FANCB: variants seen among roughly 807,000 people sequenced by gnomAD.
The protein encoded by FANCB is FA complementation group B.
Under a neutral mutation model 38.9 loss-of-function variants are expected in FANCB, and 5 were observed. That is an observed-to-expected ratio of 0.13 (90% confidence interval 0.07 to 0.27). FANCB has a LOEUF of 0.27. FANCB is among the 10% of genes least tolerant of loss of function. The pLI, the probability that FANCB is intolerant of heterozygous loss-of-function variation, is 1.00. For missense variants in FANCB, 573 were observed against 602.7 expected, an observed-to-expected ratio of 0.95 and a Z score of 0.52; for synonymous variants, 236 against 215.4, an observed-to-expected ratio of 1.10 and a Z score of -0.84.
downstream of FANCB, among the ~76,000 whole-genome samples, chrX:14,841,807 T>TAG (rs896141084): frequency 9.0e-6 from 1 of 111,593 alleles, no homozygotes; most frequent in African/African-American, 3.3e-5. Context: ...TTCTAGTTTG[T>TAG]AGTAAGTTAA....
the FANCB span, among the ~76,000 whole-genome samples, chrX:14,812,595 C>T: frequency 3.0e-4 from 33 of 110,547 alleles, no homozygotes; most frequent in African/African-American, 7.3e-4. Flanking sequence ...GACACATAGA[C>T]CCTCCCAAGA....
the FANCB span, among the ~76,000 whole-genome samples, chrX:14,751,026 A>C: frequency 8.9e-6 from 1 of 111,770 alleles, no homozygotes; most frequent in Non-Finnish European, 1.9e-5. Flanking sequence ...CTCAATAAGA[A>C]GATTACTGTA....
the FANCB span, among the ~76,000 whole-genome samples, chrX:14,766,191 G>A: frequency 8.9e-6 from 1 of 111,993 alleles, no homozygotes; most frequent in Non-Finnish European, 1.9e-5. Flanking sequence ...AAAACAGATT[G>A]CTGTAATTCT....
chrX:14,787,746 T>C, the FANCB span, among the ~76,000 whole-genome samples: 1 of 105,919 alleles, frequency 9.4e-6, no homozygotes, highest in East Asian at 2.9e-4. Context: ...GTTAGTTTTT[T>C]ATGAACCTAG....
chrX:14,872,635 G>GCC (rs199639756), intron 1 of FANCB, among the ~76,000 whole-genome samples: 130 of 72,584 alleles, frequency 1.8e-3, no homozygotes, highest in East Asian at 9.1e-3. Context: ...TGGTAAAACC[G>GCC]CCCCCCCCAC....
At chrX:14,800,561 C>T in the FANCB span, among the ~76,000 whole-genome samples, 2 of 111,758 alleles carry the variant, frequency 1.8e-5, no homozygotes, top group Non-Finnish European at 3.8e-5. Flanking sequence ...TTTTAAACCA[C>T]GCAGTTTGTG....
intron 3 of FANCB, among the ~76,000 whole-genome samples, chrX:14,861,646 C>G (rs2092447216): frequency 9.0e-6 from 1 of 111,378 alleles, no homozygotes. Flanking sequence ...CTTCTCAGAA[C>G]TTAATGTTAG....
chrX:14,790,748 G>A, the FANCB span, among the ~76,000 whole-genome samples: 1 of 111,319 alleles, frequency 9.0e-6, no homozygotes, highest in Non-Finnish European at 1.9e-5. Flanking sequence ...CAAAAGCAGA[G>A]TCTGAAACAA....
At position 14,865,494 on chromosome X, in the gene FANCB, G is replaced by T. The variant is rs780032769; in HGVS notation, c.17C>A (p.Ala6Glu). MTSKQ[A>E]MSSNEQERLL... ...CCTTTCTTGTTCGTTAGATGACATT[G>T]CTTGTTTGCTAGTCATTCCACAATA... Residue 6 changes from alanine to glutamate, a missense_variant, in exon 3 of 10, where the codon GCA becomes GAA. By Grantham distance (107) the Ala-to-Glu change is moderately radical. Transcript: ENST00000650831. 2 of 1,193,004 alleles carry T rather than the reference G, an allele frequency of 1.7e-6. No homozygotes were observed. The highest frequency in any genetic ancestry group is 2.3e-6 in the Non-Finnish European group (2 of 881,899).
the FANCB span, among the ~76,000 whole-genome samples, chrX:14,800,901 C>T: frequency 1.8e-5 from 2 of 111,647 alleles, no homozygotes; most frequent in African/African-American, 6.5e-5. Flanking sequence ...ATGAAATAAG[C>T]AACAGTGTTC....
the FANCB span, among the ~76,000 whole-genome samples, chrX:14,800,441 C>A: frequency 4.5e-5 from 5 of 111,396 alleles, no homozygotes; most frequent in East Asian, 8.5e-4. Context: ...TAGGAAGACA[C>A]AAGAAAAAAT....
In FANCB at chrX:14,864,916, C is replaced by T. The variant is rs749426439; in HGVS notation, c.595G>A (p.Glu199Lys). The T allele has an allele frequency of 8.3e-7, 1 of 1,207,259 alleles. No individual in the cohort carries two copies. The highest frequency in any genetic ancestry group is 1.8e-5 in the South Asian group (1 of 56,771). Reference sequence around the variant, plus strand: ...ATTGCATAATCTGATTTTGAAGGCTCTTGAGTACATTCTTCCTCAGATAAA... The same window carrying T: ...ATTGCATAATCTGATTTTGAAGGCTTTTGAGTACATTCTTCCTCAGATAAA... ...CCLSEEECTQ[E>K]PSKSDYAIWN... Residue 199 changes from glutamate (E) to lysine (K), a missense_variant, in exon 3 of 10, where the codon GAG (glutamate) becomes AAG (lysine). Coordinates refer to ENST00000650831, the MANE Select transcript of FANCB (RefSeq NM_001018113.3).
chrX:14,705,095 A>AATGAAACAGAGATT, the FANCB span, among the ~76,000 whole-genome samples: 26 of 112,288 alleles, frequency 2.3e-4, no homozygotes, highest in Non-Finnish European at 1.3e-4. Flanking sequence ...ATTGTCAGTA[A>AATGAAACAGAGATT]ATGAAACAGA....
At chrX:14,829,781 A>C in the FANCB span, among the ~76,000 whole-genome samples, 1 of 112,407 alleles carries the variant, frequency 8.9e-6, no homozygotes, top group Non-Finnish European at 1.9e-5. Context: ...GTAATAGAAG[A>C]ATGTTGATCT....
chrX:14,794,880 A>C, the FANCB span, among the ~76,000 whole-genome samples: 1 of 112,302 alleles, frequency 8.9e-6, no homozygotes, highest in Non-Finnish European at 1.9e-5. Context: ...AAAAGGTGCG[A>C]CTGAGAAGGA....
Position 14,862,701 on chromosome X carries a change from T to TCAAG in FANCB, c.951+1855_951+1858dup, listed in dbSNP as rs764087884. The stretch of plus-strand genomic sequence containing the variant: ...CTACTAACTGAGTTCCTCCTATGTG[T>TCAAG]CAAGCTCTGTGCAAGACACTTTACA... On this transcript the variant is annotated intron_variant, in intron 3 of 9. Coordinates refer to ENST00000650831, the MANE Select transcript of FANCB (RefSeq NM_001018113.3). Among the ~76,000 whole-genome samples, 564 of 112,217 alleles carry TCAAG rather than the reference T, an allele frequency of 5.0e-3. 6 individuals carry two copies. Among genetic ancestry groups the TCAAG allele is most frequent in the African/African-American group, 0.017 (529 of 30,897 alleles).
chrX:14,723,596 G>C, the FANCB span, among the ~76,000 whole-genome samples: 1 of 111,663 alleles, frequency 9.0e-6, no homozygotes. Flanking sequence ...CTGGTTTACA[G>C]GGCCCTATAT....
At chrX:14,809,487 C>A in the FANCB span, among the ~76,000 whole-genome samples, 1 of 111,587 alleles carries the variant, frequency 9.0e-6, no homozygotes, top group African/African-American at 3.3e-5. Context: ...TAATACTGTG[C>A]TTTTCCAACG....
At chrX:14,811,635 C>T in the FANCB span, among the ~76,000 whole-genome samples, 8 of 111,905 alleles carry the variant, frequency 7.1e-5, no homozygotes, top group Non-Finnish European at 1.3e-4. Context: ...AATATGTATA[C>T]ACCCAATACA....
Sources: gnomAD v4.1 joint callset for allele counts (sites outside exome capture counted in the v4.1 genomes callset) on GRCh38, gnomAD v4.1.1 for gene constraint, MANE v1.5 for transcripts, NCBI Gene and HGNC (gene_info 2026-07-23, HGNC 2026-07-21) for gene names.